Variants in POC1B observed in about 807,000 individuals in gnomAD.
POC1B encodes the protein POC1 centriolar protein homolog B.
A neutral mutation model predicts 60.6 loss-of-function variants in POC1B; 44 were observed. That is an observed-to-expected ratio of 0.73 (90% CI 0.57 to 0.93). POC1B has a LOEUF of 0.93. Among genes scored for constraint, POC1B ranks in the 40% least tolerant of loss-of-function variants. The pLI is 0.00. For missense variants in POC1B, 555 were observed against 572.3 expected (o/e 0.97, Z 0.31); for synonymous variants, 180 against 198.9 (o/e 0.90, Z 0.80).
At chr12:89,403,803 A>T in the POC1B span, among the ~76,000 whole-genome samples, 1 of 152,090 alleles carries the variant, frequency 6.6e-6, no homozygotes, top group Admixed American at 6.6e-5. Context: ...AGTCTTCATT[A>T]GTTGTCTCTA....
In POC1B at chr12:89,497,822, C is replaced by T. The variant is rs1169337759; in HGVS notation, c.101-480G>A. On this transcript the variant is annotated intron_variant, in intron 2 of 11. Coordinates refer to ENST00000313546, the MANE Select transcript of POC1B (RefSeq NM_172240.3). ...AAAGTTACAAGAATAGTACAAATAA[C>T]ACTAATATGCCTTTTACCCAAATCT... Among the ~76,000 whole-genome samples the T allele has an allele frequency of 2.0e-5, 3 of 152,286 alleles. No homozygotes were observed. The East Asian group carries it at 5.8e-4, about 29-fold the overall frequency.
chr12:89,509,806 A>G (rs1870087878), intron 2 of POC1B, among the ~76,000 whole-genome samples: 1 of 152,154 alleles, frequency 6.6e-6, no homozygotes, highest in African/African-American at 2.4e-5. Flanking sequence ...TCATGGAACC[A>G]CACCACTGCA....
intron 10 of POC1B, among the ~76,000 whole-genome samples, chr12:89,454,382 T>C (rs1882171783): frequency 6.6e-6 from 1 of 152,186 alleles, no homozygotes; most frequent in South Asian, 2.1e-4. Context: ...TTGCCTCCCG[T>C]CTGAGTATTT....
At chr12:89,502,804 C>T in intron 2 of POC1B, 1 of 1,314,892 alleles carries the variant, frequency 7.6e-7, no homozygotes, top group Non-Finnish European at 1.1e-6. Context: ...ACTTTGGTGA[C>T]CTTTCGTGTA....
chr12:89,510,171 G>A (rs550462032), intron 2 of POC1B, among the ~76,000 whole-genome samples: 1 of 152,226 alleles, frequency 6.6e-6, no homozygotes, highest in Admixed American at 6.5e-5. Flanking sequence ...TTAACTGGGA[G>A]GCAATTAAAT....
At chr12:89,504,318 C>T (rs1371152387) in intron 2 of POC1B, among the ~76,000 whole-genome samples, 1 of 152,182 alleles carries the variant, frequency 6.6e-6, no homozygotes, top group Non-Finnish European at 1.5e-5. Context: ...CAACCCTGTG[C>T]TCTCTGAAAC....
At chr12:89,454,501 C>T (rs995982331) in intron 10 of POC1B, among the ~76,000 whole-genome samples, 5 of 152,316 alleles carry the variant, frequency 3.3e-5, no homozygotes, top group Non-Finnish European at 5.9e-5. Flanking sequence ...TCATGTCCCT[C>T]CTCTGCAGGA....
chr12:89,501,370 A>G (rs1869559007), intron 2 of POC1B: 3 of 1,034,810 alleles, frequency 2.9e-6, no homozygotes, highest in Non-Finnish European at 4.5e-6. Context: ...AAAACAGAGA[A>G]GAAAATTTAT....
rs747455460 is a variant in POC1B, at chr12:89,467,700, G to T, written c.811-15C>A. The T allele has an allele frequency of 9.4e-6, 15 of 1,589,806 alleles. No individual in the cohort carries two copies. Among genetic ancestry groups the T allele is most frequent in the Non-Finnish European group, 1.3e-5 (15 of 1,161,718 alleles). The stretch of plus-strand genomic sequence containing the variant: ...AAGACAGGTCCCTGAGAAATAAAGG[G>T]AAATAAAGAAAAAAAGTACTTGGTA... On this transcript the variant is annotated splice_polypyrimidine_tract_variant and intron_variant, in intron 7 of 11. Transcript: ENST00000313546.
At chr12:89,478,288 T>C (rs1284593523) in intron 4 of POC1B, among the ~76,000 whole-genome samples, 3 of 152,182 alleles carry the variant, frequency 2.0e-5, no homozygotes, top group Non-Finnish European at 2.9e-5. Context: ...CTGGCTAATT[T>C]ATGTATTTTT....
chr12:89,422,110 G>A (rs80277599), intron 11 of POC1B, among the ~76,000 whole-genome samples: 3,134 of 151,982 alleles, frequency 0.021, 72 homozygotes, highest in African/African-American at 0.059. Context: ...AGGTACATGT[G>A]TTATTTAATG....
At chr12:89,463,414 C>T (rs1432820931) in intron 9 of POC1B, among the ~76,000 whole-genome samples, 1 of 147,218 alleles carries the variant, frequency 6.8e-6, no homozygotes, top group Non-Finnish European at 1.5e-5. Context: ...AACTGCTGCT[C>T]CGGAGAAAAA....
intron 6 of POC1B, among the ~76,000 whole-genome samples, 157 bp downstream of exon 6, chr12:89,471,457 C>T (rs1028758918): frequency 6.6e-6 from 1 of 152,160 alleles, no homozygotes; most frequent in Non-Finnish European, 1.5e-5. Flanking sequence ...GCTTCTGAGA[C>T]CCTGCTGTTG....
intron 9 of POC1B, among the ~76,000 whole-genome samples, chr12:89,463,711 G>A (rs1178918881): frequency 6.6e-6 from 1 of 152,178 alleles, no homozygotes; most frequent in African/African-American, 2.4e-5. Context: ...CCGGGAGGGG[G>A]CTATTTCACA....
At chr12:89,464,466 T>G (rs1268142426) in intron 9 of POC1B, among the ~76,000 whole-genome samples, 2 of 150,036 alleles carry the variant, frequency 1.3e-5, no homozygotes. Context: ...TTTCATAACC[T>G]TGACTTTTTT....
chr12:89,431,160 A>G (rs1181775705), intron 10 of POC1B, among the ~76,000 whole-genome samples: 1 of 152,118 alleles, frequency 6.6e-6, no homozygotes, highest in Admixed American at 6.6e-5. Context: ...TGAACTTTAG[A>G]TATACATTCA....
At chr12:89,448,742 CAGTA>C (rs1401412510) in intron 10 of POC1B, among the ~76,000 whole-genome samples, 1 of 152,212 alleles carries the variant, frequency 6.6e-6, no homozygotes, top group African/African-American at 2.4e-5. Flanking sequence ...TCTGGATAAA[CAGTA>C]AGAGACAAGT....
intron 2 of POC1B, chr12:89,521,929 T>A (rs955977429): frequency 1.5e-5 from 6 of 398,574 alleles, no homozygotes; most frequent in African/African-American, 1.2e-4. Context: ...TGGGTTTAAC[T>A]TCAGAGAGGC....
rs566884236 is a variant in POC1B, at chr12:89,525,633, G to A, written c.15+248C>T. On this transcript the variant is annotated intron_variant, in intron 1 of 11. Coordinates refer to ENST00000313546, the MANE Select transcript of POC1B (RefSeq NM_172240.3). ...CTCCGAGAATTCTGGGGGCCGTGGG[G>A]CCGCCCAGCTCAGTCCGGAGCTCCG... is the stretch of plus-strand genomic sequence containing the variant. The A allele has an allele frequency of 4.7e-6, 6 of 1,280,774 alleles. No homozygotes were observed. In the East Asian group the frequency reaches 9.1e-5, roughly 19 times the overall value. 79.3% of individuals were successfully genotyped at this position (1,280,774 alleles called of 1,614,324 possible).
Sources: gnomAD v4.1 joint callset for allele counts (sites outside exome capture counted in the v4.1 genomes callset) on GRCh38, gnomAD v4.1.1 for gene constraint, MANE v1.5 for transcripts, NCBI Gene and HGNC (gene_info 2026-07-23, HGNC 2026-07-21) for gene names.